Variants in MDGA2 observed in about 807,000 individuals in gnomAD.
MDGA2 encodes the protein MAM domain-containing glycosylphosphatidylinositol anchor protein 2.
A neutral mutation model predicts 117.8 loss-of-function variants in MDGA2; 40 were observed. The ratio of observed to expected loss-of-function variants is 0.34; its 90% confidence interval spans 0.26 to 0.44. The LOEUF is 0.44. Among genes scored for constraint, MDGA2 ranks in the 20% least tolerant of loss-of-function variants. The pLI, the probability that MDGA2 is intolerant of heterozygous loss-of-function variation, is 1.00. For synonymous variants in MDGA2, 452 were observed against 439.0 expected, an observed-to-expected ratio of 1.03 and a Z score of -0.37; for missense variants, 1,123 against 1,250.6, an observed-to-expected ratio of 0.90 and a Z score of 1.54.
At chr14:47,174,102 C>A (rs988375792) in intron 3 of MDGA2, among the ~76,000 whole-genome samples, 3 of 152,124 alleles carry the variant, frequency 2.0e-5, no homozygotes, top group African/African-American at 7.2e-5. Flanking sequence ...AGGTAACTAT[C>A]CTAAATATAT....
At chr14:47,103,400 A>G (rs974634882) in intron 5 of MDGA2, among the ~76,000 whole-genome samples, 1 of 152,196 alleles carries the variant, frequency 6.6e-6, no homozygotes. Context: ...TTAGAAGTTG[A>G]TGTGAAAACT....
intron 8 of MDGA2, among the ~76,000 whole-genome samples, chr14:46,993,352 T>C (rs182482568): frequency 2.0e-5 from 3 of 152,312 alleles, no homozygotes; most frequent in South Asian, 2.1e-4. Flanking sequence ...TGGTTCTCAA[T>C]TGTTCATAAT....
chr14:47,650,939 T>C (rs1594963309), intron 1 of MDGA2, among the ~76,000 whole-genome samples: 1 of 152,166 alleles, frequency 6.6e-6, no homozygotes, highest in East Asian at 1.9e-4. Context: ...TCACCAAAAA[T>C]TGGGTAAATA....
intron 1 of MDGA2, among the ~76,000 whole-genome samples, chr14:47,585,994 T>C (rs760782479): frequency 2.6e-5 from 4 of 151,908 alleles, no homozygotes; most frequent in Non-Finnish European, 5.9e-5. Context: ...CTACAACTTG[T>C]TCAACCTAGG....
chr14:47,351,480 G>A (rs1458052001), intron 1 of MDGA2, among the ~76,000 whole-genome samples: 1 of 152,042 alleles, frequency 6.6e-6, no homozygotes, highest in African/African-American at 2.4e-5. Context: ...TTAGCAAACT[G>A]TAAACTCAAG....
chr14:47,041,278 G>A (rs1427981194), intron 7 of MDGA2, among the ~76,000 whole-genome samples: 1 of 151,930 alleles, frequency 6.6e-6, no homozygotes, highest in East Asian at 1.9e-4. Flanking sequence ...TAAAAAAACA[G>A]AGGAAAGAGG....
intron 1 of MDGA2, among the ~76,000 whole-genome samples, chr14:47,419,411 G>T (rs1344409076): frequency 1.3e-5 from 2 of 152,056 alleles, no homozygotes; most frequent in Non-Finnish European, 2.9e-5. Context: ...ATGACCCAAA[G>T]AAAGTAAGAT....
intron 10 of MDGA2, among the ~76,000 whole-genome samples, chr14:46,899,927 A>G (rs1213111433): frequency 6.6e-6 from 1 of 152,084 alleles, no homozygotes; most frequent in Non-Finnish European, 1.5e-5. Context: ...AAGTAAAGAA[A>G]TATGTAGGAA....
At chr14:47,329,823 TATA>T (rs1289252231) in intron 1 of MDGA2, among the ~76,000 whole-genome samples, 2 of 152,012 alleles carry the variant, frequency 1.3e-5, no homozygotes, top group Non-Finnish European at 2.9e-5. Context: ...GCAATCATTT[TATA>T]ATGAGAAAAC....
intron 2 of MDGA2, among the ~76,000 whole-genome samples, chr14:47,259,698 C>T (rs537767514): frequency 1.1e-4 from 16 of 151,814 alleles, no homozygotes; most frequent in Non-Finnish European, 2.2e-4. Context: ...ATAGGAACTC[C>T]GAAGAAAAGT....
chr14:47,213,808 C>G (rs1012231662), intron 3 of MDGA2, among the ~76,000 whole-genome samples: 2 of 152,056 alleles, frequency 1.3e-5, no homozygotes, highest in African/African-American at 4.8e-5. Flanking sequence ...CTGCCCAAGA[C>G]TGGGTAATTC....
intron 1 of MDGA2, among the ~76,000 whole-genome samples, chr14:47,575,403 T>A (rs1194933474): frequency 2.0e-5 from 3 of 152,202 alleles, no homozygotes; most frequent in African/African-American, 4.8e-5. Flanking sequence ...ATTAATTCTA[T>A]CAAAAGCATA....
intron 9 of MDGA2, among the ~76,000 whole-genome samples, chr14:46,943,424 T>C (rs980547977): frequency 1.3e-5 from 2 of 152,094 alleles, no homozygotes; most frequent in African/African-American, 4.8e-5. Flanking sequence ...TGAGTTAAAG[T>C]CTACCATCTT....
chr14:47,094,880 A>G (rs1352583791), intron 6 of MDGA2, among the ~76,000 whole-genome samples: 3 of 152,100 alleles, frequency 2.0e-5, no homozygotes, highest in Admixed American at 1.3e-4. Context: ...GAGAGAGAAC[A>G]GAATCTGGTT....
chr14:47,128,856 G>T (rs1158038349), intron 5 of MDGA2, among the ~76,000 whole-genome samples: 1 of 151,606 alleles, frequency 6.6e-6, no homozygotes, highest in African/African-American at 2.4e-5. Context: ...CACCATGCCC[G>T]GCTAATGTTT....
chr14:47,621,527 GT>G (rs1249098600), intron 1 of MDGA2, among the ~76,000 whole-genome samples: 4 of 152,074 alleles, frequency 2.6e-5, no homozygotes, highest in African/African-American at 9.7e-5. Context: ...CTCTTTTCAT[GT>G]AATTCTCTTG....
At chr14:47,003,536 G>GT (rs1887606706) in intron 8 of MDGA2, among the ~76,000 whole-genome samples, 1 of 151,908 alleles carries the variant, frequency 6.6e-6, no homozygotes, top group Non-Finnish European at 1.5e-5. Context: ...TCTCACTGTG[G>GT]TTTGAATTGC....
In MDGA2 at chr14:47,238,764, T is replaced by G. The variant is rs149482547; in HGVS notation, c.421-20569A>C. Among the ~76,000 whole-genome samples, 113 of 151,732 alleles carry G rather than the reference T, an allele frequency of 7.4e-4. 3 individuals are homozygous for G. The highest frequency in any genetic ancestry group is 1.4e-3 in the Non-Finnish European group (94 of 67,726). Reference sequence around the variant, plus strand: ...AGTTCAGGAACAAAAAGGAGATATATTCATTAATTTCTCCACATATAATGA... The same window carrying G: ...AGTTCAGGAACAAAAAGGAGATATAGTCATTAATTTCTCCACATATAATGA... On this transcript the variant is annotated intron_variant, in intron 2 of 16. Coordinates refer to ENST00000399232, the MANE Select transcript of MDGA2 (RefSeq NM_001113498.3).
At chr14:46,935,032 T>TAA (rs376902494) in intron 9 of MDGA2, among the ~76,000 whole-genome samples, 1 of 148,624 alleles carries the variant, frequency 6.7e-6, no homozygotes, top group Non-Finnish European at 1.5e-5. Context: ...TGTCAGAATT[T>TAA]AAAAAAAAAA....
Sources: gnomAD v4.1 joint callset for allele counts (sites outside exome capture counted in the v4.1 genomes callset) on GRCh38, gnomAD v4.1.1 for gene constraint, MANE v1.5 for transcripts, NCBI Gene and HGNC (gene_info 2026-07-23, HGNC 2026-07-21) for gene names.